Variants in UBE2R2 observed in about 807,000 individuals in gnomAD.
UBE2R2 encodes ubiquitin-conjugating enzyme E2 R2.
Under a neutral mutation model 27.8 loss-of-function variants are expected in UBE2R2, and 1 was observed. The ratio of observed to expected loss-of-function variants is 0.04; its 90% CI spans 0.01 to 0.17. UBE2R2 has a LOEUF of 0.17. Among genes scored for constraint, UBE2R2 ranks in the 10% least tolerant of loss-of-function variants. The probability of loss-of-function intolerance (pLI) is 1.00; values close to 1 mark genes in which losing one functional copy is unlikely to be tolerated. For missense variants in UBE2R2, 100 were observed against 291.0 expected (o/e 0.34, Z 4.78); for synonymous variants, 106 against 113.3 (o/e 0.94, Z 0.41).
At chr9:33,819,974 C>T (rs1187319723) in intron 1 of UBE2R2, among the ~76,000 whole-genome samples, 1 of 152,196 alleles carries the variant, frequency 6.6e-6, no homozygotes, top group East Asian at 1.9e-4. Flanking sequence ...TTAGCAAAAT[C>T]TGCTGGCTAA....
chr9:33,829,801 T>G (rs1055049216), intron 1 of UBE2R2, among the ~76,000 whole-genome samples: 2 of 150,610 alleles, frequency 1.3e-5, no homozygotes, highest in South Asian at 4.2e-4. Context: ...TCGTTTTTTT[T>G]TTTTTTTTTT....
intron 1 of UBE2R2, among the ~76,000 whole-genome samples, chr9:33,863,253 G>A (rs1398227900): frequency 6.6e-6 from 1 of 151,912 alleles, no homozygotes; most frequent in Non-Finnish European, 1.5e-5. Context: ...GCCGGGCGTG[G>A]TGGCTCACAC....
intron 1 of UBE2R2, among the ~76,000 whole-genome samples, chr9:33,859,177 G>A (rs1035417206): frequency 6.6e-6 from 1 of 152,042 alleles, no homozygotes; most frequent in African/African-American, 2.4e-5. Flanking sequence ...TGGTTTCTGA[G>A]CAGTAATGCA....
chr9:33,848,317 T>C (rs1820889805), intron 1 of UBE2R2, among the ~76,000 whole-genome samples: 1 of 152,202 alleles, frequency 6.6e-6, no homozygotes, highest in Non-Finnish European at 1.5e-5. Flanking sequence ...TTCTGTACTT[T>C]TTTCTCCTCT....
chr9:33,815,863 A>G (rs747919735), upstream of UBE2R2, among the ~76,000 whole-genome samples: 5 of 152,238 alleles, frequency 3.3e-5, no homozygotes, highest in Non-Finnish European at 7.3e-5. Context: ...CTGTACATAC[A>G]TTTAATCATT....
chr9:33,859,760 T>TGTGTGTG, intron 1 of UBE2R2, among the ~76,000 whole-genome samples: 1 of 130,720 alleles, frequency 7.6e-6, no homozygotes, highest in Non-Finnish European at 1.6e-5. Context: ...TCTAAGCCTT[T>TGTGTGTG]TGTGTGTGTG....
intron 1 of UBE2R2, among the ~76,000 whole-genome samples, chr9:33,836,678 A>G (rs1264058044): frequency 6.6e-6 from 1 of 151,862 alleles, no homozygotes; most frequent in South Asian, 2.1e-4. Flanking sequence ...AATCACTTCA[A>G]CCTGGGAGGC....
chr9:33,870,888 T>C (rs948363914), intron 1 of UBE2R2, among the ~76,000 whole-genome samples: 5 of 152,204 alleles, frequency 3.3e-5, no homozygotes, highest in Non-Finnish European at 7.3e-5. Flanking sequence ...AATTTTTCTT[T>C]CTCCTCAATC....
intron 1 of UBE2R2, among the ~76,000 whole-genome samples, chr9:33,858,424 T>C (rs1821154972): frequency 5.9e-5 from 9 of 152,162 alleles, no homozygotes; most frequent in Admixed American, 5.9e-4. Context: ...TGTTAATTTT[T>C]TTTTTCCTCA....
chr9:33,878,975 G>A (rs1162612398), intron 1 of UBE2R2, among the ~76,000 whole-genome samples: 2 of 151,978 alleles, frequency 1.3e-5, no homozygotes, highest in African/African-American at 4.8e-5. Flanking sequence ...CCCTAATTAG[G>A]ACTACACAGA....
intron 3 of UBE2R2, among the ~76,000 whole-genome samples, chr9:33,905,863 G>A (rs1318971995): frequency 1.3e-5 from 2 of 152,160 alleles, no homozygotes; most frequent in Non-Finnish European, 2.9e-5. Context: ...CAACTAGAAA[G>A]GTCAGGGTAG....
At chr9:33,873,735 G>T (rs908236795) in intron 1 of UBE2R2, among the ~76,000 whole-genome samples, 7 of 151,950 alleles carry the variant, frequency 4.6e-5, no homozygotes, top group South Asian at 2.1e-4. Flanking sequence ...TGACCTCCCA[G>T]GCTCAAGCGG....
At chr9:33,898,349 G>A (rs1822169435) in intron 2 of UBE2R2, among the ~76,000 whole-genome samples, 1 of 151,954 alleles carries the variant, frequency 6.6e-6, no homozygotes, top group African/African-American at 2.4e-5. Context: ...CAAAGTGCTG[G>A]GATTACAGAT....
intron 3 of UBE2R2, among the ~76,000 whole-genome samples, chr9:33,910,284 G>T (rs1822454839): frequency 6.6e-6 from 1 of 152,100 alleles, no homozygotes; most frequent in African/African-American, 2.4e-5. Flanking sequence ...GAGTAGCTGG[G>T]ATTACAGGCG....
Position 33,906,113 on chromosome 9 carries a change from C to T in UBE2R2, c.362+5842C>T, listed in dbSNP as rs199687260. Among the ~76,000 whole-genome samples, 241 of 151,276 alleles carry T rather than the reference C, an allele frequency of 1.6e-3. 1 individual carries two copies. The highest frequency in any genetic ancestry group is 0.01 in the South Asian group (50 of 4,786). Reference sequence around the variant, plus strand: ...GTTGTTGTCGTCGTCGTCGTTGTTGCTGTTGTTGTTGTTGTTGTTGTTGTT... The same window carrying T: ...GTTGTTGTCGTCGTCGTCGTTGTTGTTGTTGTTGTTGTTGTTGTTGTTGTT... On this transcript the variant is annotated intron_variant, in intron 3 of 4. Coordinates refer to ENST00000263228, the MANE Select transcript of UBE2R2 (RefSeq NM_017811.4).
At position 33,917,696 on chromosome 9, in the gene UBE2R2, A is replaced by AAACT. The variant is rs1822684259; in HGVS notation, c.*460_*463dup. The AAACT allele has an allele frequency of 4.8e-6, 1 of 209,972 alleles. No homozygotes were observed. Among genetic ancestry groups the AAACT allele is most frequent in the Non-Finnish European group, 9.4e-6 (1 of 106,414 alleles). The allele number at this position is 209,972 out of a possible 1,614,324, so 13.0% of individuals were successfully genotyped here. A position where few individuals can be genotyped will look rare whatever the true frequency, so the allele number is the denominator to read the frequency against. ...GAAAATGGAAAAAAACCCACAAAAC[A>AAACT]AACTTTAAAAAAAAAAAAAAACAAA... is the stretch of plus-strand genomic sequence containing the variant. On this transcript the variant is annotated 3_prime_UTR_variant, in exon 5 of 5. Transcript: ENST00000263228.
At chr9:33,855,650 T>C (rs1166225135) in intron 1 of UBE2R2, among the ~76,000 whole-genome samples, 1 of 152,240 alleles carries the variant, frequency 6.6e-6, no homozygotes, top group Non-Finnish European at 1.5e-5. Context: ...GACACAGTTG[T>C]ACTTTGAAAC....
rs1323151329 is a variant in UBE2R2 at position 33,912,105 on chromosome 9, T to G, written c.497+7T>G. The G allele has an allele frequency of 4.4e-6, 4 of 911,926 alleles. No homozygotes were observed. The highest frequency in any genetic ancestry group is 2.4e-4 in the Middle Eastern group (1 of 4,230). 56.5% of individuals were successfully genotyped at this position (911,926 alleles called of 1,614,324 possible). A position where few individuals can be genotyped will look rare whatever the true frequency, so the allele number is the denominator to read the frequency against. On this transcript the variant is annotated splice_region_variant and intron_variant, in intron 4 of 4. Coordinates refer to ENST00000263228, the MANE Select transcript of UBE2R2 (RefSeq NM_017811.4). ...AATATGCTGAAATTATTAGGTAAGG[T>G]TTTTTTTTTTATTACCTCAAGTTAT...
chr9:33,845,636 G>C (rs960344354), intron 1 of UBE2R2, among the ~76,000 whole-genome samples: 1 of 152,108 alleles, frequency 6.6e-6, no homozygotes, highest in Admixed American at 6.5e-5. Context: ...GCTAACAAAT[G>C]AGCCATCCAC....
Sources: allele counts gnomAD v4.1 joint callset (sites outside exome capture counted in the v4.1 genomes callset), GRCh38; gene constraint gnomAD v4.1.1; transcripts MANE v1.5; gene names NCBI Gene and HGNC (gene_info 2026-07-23, HGNC 2026-07-21).